The following SPATA31D1 variants were observed in gnomAD, a reference collection of about 807,000 sequenced individuals.
SPATA31D1 encodes the protein SPATA31 subfamily D member 1.
Under a neutral mutation model 13.2 loss-of-function variants are expected in SPATA31D1, and 6 were observed. The ratio of observed to expected loss-of-function variants is 0.46; its 90% CI spans 0.25 to 0.90. The LOEUF is 0.90. Ranked by LOEUF, SPATA31D1 falls within the 40% of genes least tolerant of loss-of-function variation. The pLI, the probability that SPATA31D1 is intolerant of heterozygous loss-of-function variation, is 0.18. For missense variants in SPATA31D1, 2,445 were observed against 1,884.7 expected (o/e 1.30, Z -5.50); for synonymous variants, 903 against 718.8 (o/e 1.26, Z -4.10).
At position 81,992,620 on chromosome 9, in the gene SPATA31D1, G is replaced by A. The variant is rs199808243; in HGVS notation, c.2150G>A (p.Ser717Asn). ...TCTCTGTCATTGCTACGTCCTCAGA[G>A]CAAAATTTCAGAGCTATCTGTGTCA... ...HESLSLLRPQ[S>N]KISELSVSER... Residue 717 changes from serine (S) to asparagine (N), a missense_variant, in exon 4 of 4, where the codon AGC becomes AAC. Transcript: ENST00000344803. 2.2e-4 allele frequency: 352 copies of A among 1,613,368 alleles called. No individual in the cohort carries two copies. The highest frequency in any genetic ancestry group is 1.9e-3 in the African/African-American group (142 of 75,044).
chr9:81,992,977 A>C lies in SPATA31D1; in HGVS notation c.2507A>C (p.Lys836Thr). The C allele has an allele frequency of 6.2e-7, 1 of 1,613,800 alleles. No homozygotes were observed. The highest frequency in any genetic ancestry group is 2.2e-5 in the East Asian group (1 of 44,858). ...AATGCCCTGACAGTACGTTTGAGCA[A>C]GAAATTTGAGGAAATCAATGAGGGT... Reference protein sequence around the residue: ...LENALTVRLSKKFEEINEGRM... With the variant: ...LENALTVRLSTKFEEINEGRM... The change falls in exon 4 of 4, where the codon AAG becomes ACG. Residue 836 changes from lysine (K) to threonine (T), a missense_variant. Transcript: ENST00000344803.
Position 81,992,617 on chromosome 9 carries a change from A to G in SPATA31D1, c.2147A>G (p.Gln716Arg). Residue 716 changes from glutamine to arginine, a missense_variant, in exon 4 of 4, where the codon CAG (glutamine) becomes CGG (arginine). Physicochemically the swap from Gln to Arg is conservative, Grantham distance 43. Coordinates refer to ENST00000344803, the MANE Select transcript of SPATA31D1 (RefSeq NM_001001670.3). ...IHESLSLLRP[Q>R]SKISELSVSE... ...GAGTCTCTGTCATTGCTACGTCCTCAGAGCAAAATTTCAGAGCTATCTGTG... is the reference window on the plus strand; with the variant it reads ...GAGTCTCTGTCATTGCTACGTCCTCGGAGCAAAATTTCAGAGCTATCTGTG... 3 of 1,613,338 alleles carry G rather than the reference A, an allele frequency of 1.9e-6. No homozygotes were observed. The highest frequency in any genetic ancestry group is 2.5e-6 in the Non-Finnish European group (3 of 1,179,732).
At chr9:81,989,469 G>A (rs1437458191) in intron 1 of SPATA31D1, among the ~76,000 whole-genome samples, 3 of 152,136 alleles carry the variant, frequency 2.0e-5, no homozygotes, top group Non-Finnish European at 4.4e-5. Flanking sequence ...GCCTGTCTCC[G>A]TGACACTTGT....
In SPATA31D1 at chr9:81,992,024, T is replaced by C; in HGVS notation, c.1554T>C (p.Thr518=). The change falls in exon 4 of 4, where the codon ACT becomes ACC. Residue 518 remains threonine (T), a synonymous_variant. Transcript: ENST00000344803. ...TGCACAGCGAGTCTCTGCATCCTAC[T>C]GTTCTTGTCCAACGTGGCCATTCCT... ...PSLHSESLHP[T]VLVQRGHSSM... 1.2e-6 allele frequency: 2 copies of C among 1,613,828 alleles called. No homozygotes were observed. The highest frequency in any genetic ancestry group is 1.7e-5 in the Admixed American group (1 of 60,026).
chr9:81,993,873 C>T lies in SPATA31D1; in HGVS notation c.3403C>T (p.His1135Tyr), dbSNP rs1825036582. 6.2e-7 allele frequency: 1 copy of T among 1,613,892 alleles called. No homozygotes were observed. The highest frequency in any genetic ancestry group is 8.5e-7 in the Non-Finnish European group (1 of 1,179,904). Reference sequence around the variant, plus strand: ...ATGGGATAAGAGAAAGAGTTCCTTTCATAATGTAGACAGGCTTCAGGGCAG... The same window carrying T: ...ATGGGATAAGAGAAAGAGTTCCTTTTATAATGTAGACAGGCTTCAGGGCAG... ...ESWDKRKSSF[H>Y]NVDRLQGSRK... Residue 1135 changes from histidine (H) to tyrosine (Y), a missense_variant, in exon 4 of 4, where the codon CAT (histidine) becomes TAT (tyrosine). By Grantham distance (83) the His-to-Tyr change is moderately conservative. Transcript: ENST00000344803.
At position 81,994,121 on chromosome 9, in the gene SPATA31D1, A is replaced by T. The variant is rs752731622; in HGVS notation, c.3651A>T (p.Gln1217His). The T allele has an allele frequency of 6.2e-6, 10 of 1,613,862 alleles. No homozygotes were observed. In the African/African-American group the frequency reaches 1.2e-4, roughly 19 times the overall value. Residue 1217 changes from glutamine to histidine, a missense_variant, in exon 4 of 4, where the codon CAA becomes CAT. Physicochemically the swap from Gln to His is conservative, Grantham distance 24 (BLOSUM62 0). Coordinates refer to ENST00000344803, the MANE Select transcript of SPATA31D1 (RefSeq NM_001001670.3). ...AGTTGGTCCAGAGGAAGCATAGCCA[A>T]CCTCAGAGCCATTTCACTGACATGT... ...QLKLVQRKHS[Q>H]PQSHFTDMSF...
At position 81,990,757 on chromosome 9, in the gene SPATA31D1, C is replaced by T; in HGVS notation, c.303-16C>T. 6.3e-7 allele frequency: 1 copy of T among 1,592,188 alleles called. No individual in the cohort carries two copies. The highest frequency in any genetic ancestry group is 8.6e-7 in the Non-Finnish European group (1 of 1,168,206). On this transcript the variant is annotated splice_polypyrimidine_tract_variant and intron_variant, in intron 3 of 3. Coordinates refer to ENST00000344803, the MANE Select transcript of SPATA31D1 (RefSeq NM_001001670.3). ...GGCTAACAAATCTCCTTTCCTTGTT[C>T]TGGTCCTGACTGCAGCTTTGGACCT...
At chr9:81,989,715 T>TGAAG in intron 1 of SPATA31D1, 63 bp from the exon 2 acceptor site, 1 of 1,435,658 alleles carries the variant, frequency 7.0e-7, no homozygotes, top group Non-Finnish European at 9.7e-7. Context: ...AATGAATGAA[T>TGAAG]GAGCTTCATA....
Position 81,994,442 on chromosome 9 carries a change from T to C in SPATA31D1, c.3972T>C (p.His1324=). The C allele has an allele frequency of 6.2e-7, 1 of 1,613,632 alleles. No homozygotes were observed. The highest frequency in any genetic ancestry group is 1.1e-5 in the South Asian group (1 of 91,000). The change falls in exon 4 of 4, where the codon CAT becomes CAC. Residue 1324 remains histidine, a synonymous_variant. Transcript: ENST00000344803. Reference sequence around the variant, plus strand: ...GCAGGAGAAAGAGCCTCCCTGTTCATAACAAGACATCAGGGGAGGTGCTTG... The same window carrying C: ...GCAGGAGAAAGAGCCTCCCTGTTCACAACAAGACATCAGGGGAGGTGCTTG... ...SQRRRKSLPV[H]NKTSGEVLGS...
Position 81,991,531 on chromosome 9 carries a change from C to T in SPATA31D1, c.1061C>T (p.Ser354Leu). The change falls in exon 4 of 4, where the codon TCA (serine) becomes TTA (leucine). Residue 354 changes from serine (S) to leucine (L), a missense_variant. Ser to Leu is a moderately radical substitution (Grantham distance 145). Transcript: ENST00000344803. ...KGIDHSHLAS[S>L]EFTWWQPHAK... ...ATTGACCATTCACACCTTGCATCTT[C>T]AGAATTCACCTGGTGGCAGCCTCAT... is the stretch of plus-strand genomic sequence containing the variant. The T allele has an allele frequency of 1.2e-6, 2 of 1,614,054 alleles. No homozygotes were observed. Among genetic ancestry groups the T allele is most frequent in the Non-Finnish European group, 1.7e-6 (2 of 1,179,900 alleles).
Position 81,995,053 on chromosome 9 carries a change from A to T in SPATA31D1, c.4583A>T (p.Asn1528Ile). 6.2e-7 allele frequency: 1 copy of T among 1,613,384 alleles called. No individual in the cohort carries two copies. The change falls in exon 4 of 4, where the codon AAC becomes ATC. Residue 1528 changes from asparagine (N) to isoleucine (I), a missense_variant. Transcript: ENST00000344803. ...MPHRKPVPHPNPTCRRQVSLV... is the reference protein window; with the variant it reads ...MPHRKPVPHPIPTCRRQVSLV... ...CACAGGAAGCCTGTGCCACATCCAA[A>T]CCCCACTTGCCGGCGTCAGGTCAGC...
rs1160149584 is a variant in SPATA31D1, at chr9:81,991,868, A to G, written c.1398A>G (p.Glu466=). 1.9e-6 allele frequency: 3 copies of G among 1,613,810 alleles called. No homozygotes were observed. In the African/African-American group the frequency reaches 4.0e-5, roughly 22 times the overall value. ...TSIAVKHDLA[E]SFPFWASKGK... is the part of the protein sequence containing the mutation. The stretch of plus-strand genomic sequence containing the variant: ...TTGCTGTTAAGCATGACTTGGCAGA[A>G]TCCTTTCCTTTTTGGGCCAGTAAAG... Residue 466 remains glutamate, a synonymous_variant, in exon 4 of 4, where the codon GAA becomes GAG. Coordinates refer to ENST00000344803, the MANE Select transcript of SPATA31D1 (RefSeq NM_001001670.3).
At chr9:81,988,652 C>T, upstream of SPATA31D1, 2 of 1,075,430 alleles carry the variant, frequency 1.9e-6, no homozygotes, top group Non-Finnish European at 2.6e-6. Flanking sequence ...GGAGAGTCAG[C>T]TGGGCTGGTG....
In SPATA31D1 at chr9:81,994,178, C is replaced by T; in HGVS notation, c.3708C>T (p.Asp1236=). The T allele has an allele frequency of 6.2e-7, 1 of 1,614,054 alleles. No individual in the cohort carries two copies. The highest frequency in any genetic ancestry group is 8.5e-7 in the Non-Finnish European group (1 of 1,179,904). ...CCTTAGATAACTTGAGTTCCAAGGA[C>T]TTACTGACTAATTCCCAGGGCATCT... ...SFALDNLSSK[D]LLTNSQGISS... Residue 1236 remains aspartate, a synonymous_variant, in exon 4 of 4, where the codon GAC becomes GAT. Transcript: ENST00000344803.
rs267602288 is a variant in SPATA31D1, at chr9:81,990,835, G to T, written c.365G>T (p.Arg122Leu). ...GQHHDTNHFR[R>L]LLCPDPVCRV... ...CATCATGATACCAACCACTTTCGTC[G>T]ACTGTTATGCCCAGACCCCGTCTGT... Residue 122 changes from arginine (R) to leucine (L), a missense_variant, in exon 4 of 4, where the codon CGA becomes CTA. By Grantham distance (102) the Arg-to-Leu change is moderately radical. Coordinates refer to ENST00000344803, the MANE Select transcript of SPATA31D1 (RefSeq NM_001001670.3). 6 of 1,613,676 alleles carry T rather than the reference G, an allele frequency of 3.7e-6. No homozygotes were observed. The highest frequency in any genetic ancestry group is 1.7e-5 in the Admixed American group (1 of 59,962).
At position 81,994,691 on chromosome 9, in the gene SPATA31D1, A is replaced by C; in HGVS notation, c.4221A>C (p.Lys1407Asn). 6.2e-7 allele frequency: 1 copy of C among 1,613,734 alleles called. No individual in the cohort carries two copies. The highest frequency in any genetic ancestry group is 1.1e-5 in the South Asian group (1 of 91,040). Residue 1407 changes from lysine to asparagine, a missense_variant, in exon 4 of 4, where the codon AAA (lysine) becomes AAC (asparagine). By Grantham distance (94) the Lys-to-Asn change is moderately conservative. Transcript: ENST00000344803. The part of the protein sequence containing the change: ...TGTTEAQKIR[K>N]DTREFLEEKL... ...CTACTGAAGCTCAGAAAATTAGGAA[A>C]GACACTAGGGAGTTCCTAGAAGAGA...
chr9:81,991,097 T>A lies in SPATA31D1; in HGVS notation c.627T>A (p.Ala209=), dbSNP rs755815174. ...CACCTGACCTGATCACCACCTTAGC[T>A]GACTTATTTTCACCCTCACCACTGA... The part of the protein sequence containing the change: ...ILSPDLITTL[A]DLFSPSPLRD... The change falls in exon 4 of 4, where the codon GCT becomes GCA. Residue 209 remains alanine, a synonymous_variant. Coordinates refer to ENST00000344803, the MANE Select transcript of SPATA31D1 (RefSeq NM_001001670.3). 2.5e-6 allele frequency: 4 copies of A among 1,613,494 alleles called. No individual in the cohort carries two copies. The African/African-American group carries it at 5.3e-5, about 22-fold the overall frequency.
At chr9:81,988,322 T>C (rs960206104), upstream of SPATA31D1, among the ~76,000 whole-genome samples, 2 of 152,150 alleles carry the variant, frequency 1.3e-5, no homozygotes, top group African/African-American at 4.8e-5. Flanking sequence ...GAAGCAAGTA[T>C]AAAGGAAATT....
At chr9:81,990,616 G>T in intron 3 of SPATA31D1, 130 bp downstream of exon 3, 1 of 1,321,058 alleles carries the variant, frequency 7.6e-7, no homozygotes, top group Non-Finnish European at 1.0e-6. Context: ...ATGGGTATGT[G>T]AATGAATGTG....
Sources: allele counts gnomAD v4.1 joint callset (sites outside exome capture counted in the v4.1 genomes callset), GRCh38; gene constraint gnomAD v4.1.1; transcripts MANE v1.5; gene names NCBI Gene and HGNC (gene_info 2026-07-23, HGNC 2026-07-21).